LRRTM4: variants seen among roughly 807,000 people sequenced by gnomAD.
LRRTM4 encodes leucine-rich repeat transmembrane neuronal protein 4.
Under a neutral mutation model 47.6 loss-of-function variants are expected in LRRTM4, and 25 were observed. That is an observed-to-expected ratio of 0.53 (90% CI 0.38 to 0.73). LRRTM4 has a LOEUF of 0.73. LRRTM4 is among the 30% of genes least tolerant of loss of function. The pLI, the probability that LRRTM4 is intolerant of heterozygous loss-of-function variation, is 0.00. For missense variants in LRRTM4, 638 were observed against 713.4 expected (o/e 0.89, Z 1.20); for synonymous variants, 311 against 269.5 (o/e 1.15, Z -1.51).
In LRRTM4 at chr2:77,109,964, TA is replaced by T. The variant is rs1167090837; in HGVS notation, c.1552-361049del. ...GTGCAGCACAATCAGCTGAAGAGAT[TA>T]AAAAAATATAAAAGACAAGGAAAGA... is the stretch of plus-strand genomic sequence containing the variant. On this transcript the variant is annotated intron_variant, in intron 3 of 3. Coordinates refer to ENST00000409884, the MANE Select transcript of LRRTM4 (RefSeq NM_001134745.3). Among the ~76,000 whole-genome samples, 13 of 151,584 alleles carry T rather than the reference TA, an allele frequency of 8.6e-5. 1 individual carries two copies. In the East Asian group the frequency reaches 1.9e-3, roughly 23 times the overall value.
At chr2:77,017,837 A>G (rs933323891) in intron 3 of LRRTM4, among the ~76,000 whole-genome samples, 3 of 152,156 alleles carry the variant, frequency 2.0e-5, no homozygotes, top group Non-Finnish European at 4.4e-5. Flanking sequence ...TGAGAACCCA[A>G]TCTACTTATA....
intron 3 of LRRTM4, among the ~76,000 whole-genome samples, chr2:77,045,340 TTTTTA>T (rs1404993286): frequency 6.6e-5 from 10 of 151,988 alleles, no homozygotes; most frequent in African/African-American, 1.4e-4. Flanking sequence ...CTATTATTTA[TTTTTA>T]TTTTATTTAT....
chr2:77,027,818 C>T (rs1223668192), intron 3 of LRRTM4, among the ~76,000 whole-genome samples: 1 of 151,894 alleles, frequency 6.6e-6, no homozygotes, highest in Non-Finnish European at 1.5e-5. Flanking sequence ...CAATTTATAC[C>T]AGGTTGATTT....
chr2:77,013,018 A>T (rs1174865520), intron 3 of LRRTM4, among the ~76,000 whole-genome samples: 5 of 152,232 alleles, frequency 3.3e-5, no homozygotes, highest in African/African-American at 7.2e-5. Context: ...AGAATATAGC[A>T]TGAACAACAG....
At chr2:76,919,716 A>C (rs1285235664) in intron 3 of LRRTM4, among the ~76,000 whole-genome samples, 1 of 152,186 alleles carries the variant, frequency 6.6e-6, no homozygotes, top group East Asian at 1.9e-4. Flanking sequence ...CAGCCATTTT[A>C]CTTGGCTATC....
intron 3 of LRRTM4, among the ~76,000 whole-genome samples, chr2:77,444,175 C>T (rs1675955378): frequency 6.6e-6 from 1 of 152,040 alleles, no homozygotes; most frequent in South Asian, 2.1e-4. Context: ...ATCAATATAA[C>T]ACCCAATCAA....
At chr2:77,392,969 T>G (rs1447942316) in intron 3 of LRRTM4, among the ~76,000 whole-genome samples, 1 of 152,040 alleles carries the variant, frequency 6.6e-6, no homozygotes, top group Non-Finnish European at 1.5e-5. Context: ...TGAAACATCA[T>G]GTATGCCATA....
intron 3 of LRRTM4, among the ~76,000 whole-genome samples, chr2:77,065,609 T>C (rs2103811933): frequency 6.6e-6 from 1 of 152,300 alleles, no homozygotes; most frequent in Middle Eastern, 3.4e-3. Context: ...TGAAATTTCA[T>C]GTAATACTGA....
intron 3 of LRRTM4, among the ~76,000 whole-genome samples, chr2:77,475,242 C>A (rs904685099): frequency 1.3e-5 from 2 of 152,002 alleles, no homozygotes; most frequent in Non-Finnish European, 2.9e-5. Context: ...ACTGTTTTTG[C>A]AACTCAGTTC....
At chr2:77,007,434 T>C (rs867282868) in intron 3 of LRRTM4, among the ~76,000 whole-genome samples, 24 of 152,182 alleles carry the variant, frequency 1.6e-4, no homozygotes, top group African/African-American at 5.1e-4. Flanking sequence ...ATTGGCTATA[T>C]GACCAAATTT....
intron 3 of LRRTM4, among the ~76,000 whole-genome samples, chr2:77,450,584 G>T (rs1676217924): frequency 6.6e-6 from 1 of 152,022 alleles, no homozygotes; most frequent in Admixed American, 6.5e-5. Flanking sequence ...ATAGGAGTTT[G>T]CAACTACTAT....
At chr2:77,201,048 G>T (rs2103899374) in intron 3 of LRRTM4, among the ~76,000 whole-genome samples, 1 of 152,168 alleles carries the variant, frequency 6.6e-6, no homozygotes, top group African/African-American at 2.4e-5. Flanking sequence ...CAACACCTTT[G>T]CCTTTCATCA....
chr2:77,438,110 A>T (rs1407760853), intron 3 of LRRTM4, among the ~76,000 whole-genome samples: 1 of 152,196 alleles, frequency 6.6e-6, no homozygotes, highest in Non-Finnish European at 1.5e-5. Context: ...TGTTATTTAC[A>T]AAGTATATCA....
rs543513747 is a variant in LRRTM4 at position 77,189,772 on chromosome 2, C to T, written c.1551+328546G>A. 6.0e-5 allele frequency among the ~76,000 whole-genome samples: 9 copies of T among 150,996 alleles called. No homozygotes were observed. The East Asian group carries it at 9.7e-4, about 16-fold the overall frequency. ...TACTTTATATGTATATATACATATA[C>T]ACACACACACACATTTATATATACA... On this transcript the variant is annotated intron_variant, in intron 3 of 3. Coordinates refer to ENST00000409884, the MANE Select transcript of LRRTM4 (RefSeq NM_001134745.3).
At chr2:77,419,544 G>A (rs1362732268) in intron 3 of LRRTM4, among the ~76,000 whole-genome samples, 2 of 151,980 alleles carry the variant, frequency 1.3e-5, no homozygotes, top group Admixed American at 6.6e-5. Flanking sequence ...GTATTGCTTA[G>A]GAAACAATGA....
intron 3 of LRRTM4, among the ~76,000 whole-genome samples, chr2:77,329,803 A>G (rs1439161078): frequency 6.6e-6 from 1 of 152,158 alleles, no homozygotes; most frequent in Non-Finnish European, 1.5e-5. Context: ...AGGATAACTT[A>G]TAGAGGGGGC....
chr2:77,179,835 C>A (rs1022788146), intron 3 of LRRTM4, among the ~76,000 whole-genome samples: 1 of 152,024 alleles, frequency 6.6e-6, no homozygotes, highest in Admixed American at 6.6e-5. Flanking sequence ...AAACTGAATT[C>A]TTTAAATCGC....
chr2:77,480,814 GTGTGTGTGGAGAGA>G lies in LRRTM4; in HGVS notation c.1551+37490_1551+37503del, dbSNP rs1313400919. Among the ~76,000 whole-genome samples the G allele has an allele frequency of 3.0e-3, 391 of 130,838 alleles. 4 individuals are homozygous for G. Among genetic ancestry groups the G allele is most frequent in the Admixed American group, 0.029 (336 of 11,510 alleles). 85.8% of individuals were successfully genotyped at this position (130,838 alleles called of 152,430 possible). On this transcript the variant is annotated intron_variant, in intron 3 of 3. Transcript: ENST00000409884. The stretch of plus-strand genomic sequence containing the variant: ...TGTGTGTGTGTGTGTGTGTGTGTGT[GTGTGTGTGGAGAGA>G]GAGAGAGAGAGAGAGAGAGAGAGAG...
chr2:77,303,278 C>CA (rs66763307), intron 3 of LRRTM4, among the ~76,000 whole-genome samples: 18,412 of 149,734 alleles, frequency 0.12, 1,971 homozygotes, highest in African/African-American at 0.28. Flanking sequence ...AACAAACAAA[C>CA]AAAAAAAAAT....
Sources: gnomAD v4.1 joint callset for allele counts (sites outside exome capture counted in the v4.1 genomes callset) on GRCh38, gnomAD v4.1.1 for gene constraint, MANE v1.5 for transcripts, NCBI Gene and HGNC (gene_info 2026-07-23, HGNC 2026-07-21) for gene names.